The following MBD5 variants were observed in gnomAD, a reference collection of about 807,000 sequenced individuals.
MBD5 encodes methyl-CpG binding domain protein 5.
In MBD5, 13 loss-of-function variants were observed where a neutral mutation model predicts 117.3. The ratio of observed to expected loss-of-function variants is 0.11; its 90% CI spans 0.07 to 0.18. The LOEUF is 0.18. MBD5 is among the 10% of genes least tolerant of loss of function. The probability of loss-of-function intolerance (pLI) is 1.00; values close to 1 mark genes in which losing one functional copy is unlikely to be tolerated. For missense variants in MBD5, 1,879 were observed against 2,093.8 expected (o/e 0.90, Z 2.00); for synonymous variants, 727 against 766.4 (o/e 0.95, Z 0.85).
intron 1 of MBD5, among the ~76,000 whole-genome samples, chr2:148,152,271 G>A (rs1017880614): frequency 2.0e-5 from 3 of 152,044 alleles, no homozygotes; most frequent in South Asian, 2.1e-4. Flanking sequence ...TCTTAATCCT[G>A]AGTTCTAGTT....
At chr2:148,462,848 T>C (rs545577613) in intron 6 of MBD5, among the ~76,000 whole-genome samples, 164 bp downstream of exon 6, 2 of 152,294 alleles carry the variant, frequency 1.3e-5, no homozygotes, top group African/African-American at 4.8e-5. Context: ...GCTTAAAAAT[T>C]GTGGAAAATA....
At chr2:148,480,337 G>C (rs1250485009) in intron 8 of MBD5, among the ~76,000 whole-genome samples, 3 of 152,032 alleles carry the variant, frequency 2.0e-5, no homozygotes, top group Admixed American at 2.0e-4. Flanking sequence ...ATACTTGTCT[G>C]TTGCAAAATA....
chr2:148,040,931 TATC>T (rs1694339324), intron 1 of MBD5, among the ~76,000 whole-genome samples: 1 of 152,144 alleles, frequency 6.6e-6, no homozygotes, highest in South Asian at 2.1e-4. Context: ...TGGTAGATGT[TATC>T]TACCAGTGAT....
intron 4 of MBD5, among the ~76,000 whole-genome samples, chr2:148,367,422 G>A (rs1703733382): frequency 3.9e-5 from 6 of 152,144 alleles, no homozygotes; most frequent in Admixed American, 3.9e-4. Context: ...CATGGGCAAA[G>A]CCTTCATGAC....
At chr2:148,103,750 A>G (rs780224516) in intron 1 of MBD5, among the ~76,000 whole-genome samples, 1 of 152,144 alleles carries the variant, frequency 6.6e-6, no homozygotes, top group Non-Finnish European at 1.5e-5. Context: ...ATTTCATTAT[A>G]TTTTAGTCAA....
At chr2:148,208,828 A>G (rs1479899604) in intron 2 of MBD5, among the ~76,000 whole-genome samples, 1 of 152,076 alleles carries the variant, frequency 6.6e-6, no homozygotes, top group African/African-American at 2.4e-5. Flanking sequence ...CAAAGCAAAT[A>G]TTTCCATGAA....
Position 148,042,131 on chromosome 2 carries a change from T to A in MBD5, c.-925+20447T>A, listed in dbSNP as rs573658830. Among the ~76,000 whole-genome samples the A allele has an allele frequency of 1.8e-4, 28 of 152,328 alleles. No homozygotes were observed. The South Asian group carries it at 3.3e-3, about 18-fold the overall frequency. ...ACCAAACCTCTGCTGAGCACTTTAG[T>A]TGCAGATACCTCATTAGCATATAAT... On this transcript the variant is annotated intron_variant, in intron 1 of 13. Transcript: ENST00000642680.
rs1373694172 is a variant in MBD5 at position 148,074,432 on chromosome 2, TAGAA to T, written c.-925+52752_-925+52755del. Among the ~76,000 whole-genome samples the T allele has an allele frequency of 2.0e-5, 3 of 152,104 alleles. No homozygotes were observed. In the East Asian group the frequency reaches 5.8e-4, roughly 29 times the overall value. ...TTTTATAGGTTATACTATTTCCTTTTAGAAAGAGTTTTGGATATAACCGGAAACT... is the reference window on the plus strand; with the variant it reads ...TTTTATAGGTTATACTATTTCCTTTTAGAGTTTTGGATATAACCGGAAACT... On this transcript the variant is annotated intron_variant, in intron 1 of 13. Coordinates refer to ENST00000642680, the MANE Select transcript of MBD5 (RefSeq NM_001378120.1).
intron 4 of MBD5, among the ~76,000 whole-genome samples, chr2:148,388,146 A>G (rs960835133): frequency 6.6e-6 from 1 of 152,194 alleles, no homozygotes; most frequent in African/African-American, 2.4e-5. Context: ...AACAAAATAC[A>G]TTGTTTTGTG....
chr2:148,372,709 A>G (rs1248807406), intron 4 of MBD5, among the ~76,000 whole-genome samples: 2 of 152,104 alleles, frequency 1.3e-5, no homozygotes, highest in Non-Finnish European at 2.9e-5. Flanking sequence ...GAGATGAAAG[A>G]CAAGAGCTTG....
chr2:148,284,502 A>G (rs1303122829), intron 3 of MBD5, among the ~76,000 whole-genome samples: 4 of 152,176 alleles, frequency 2.6e-5, no homozygotes, highest in African/African-American at 7.2e-5. Context: ...TCTGGGTTTC[A>G]TCCTTGACTC....
At chr2:148,409,386 C>CA (rs776225951) in intron 4 of MBD5, among the ~76,000 whole-genome samples, 119 of 109,484 alleles carry the variant, frequency 1.1e-3, no homozygotes, top group Middle Eastern at 9.8e-3. Flanking sequence ...GGCCCTGTCT[C>CA]AAAAAAAAAA....
intron 1 of MBD5, among the ~76,000 whole-genome samples, chr2:148,116,561 G>C (rs1453702240): frequency 2.0e-5 from 3 of 152,110 alleles, no homozygotes; most frequent in Non-Finnish European, 2.9e-5. Flanking sequence ...CATGTACCAG[G>C]GTGGACGTGT....
intron 1 of MBD5, among the ~76,000 whole-genome samples, chr2:148,102,903 T>C (rs997690705): frequency 6.6e-6 from 1 of 152,156 alleles, no homozygotes; most frequent in African/African-American, 2.4e-5. Context: ...TGGGGAATTT[T>C]TTTTTAGCTC....
chr2:148,240,817 A>T (rs1427419768), intron 3 of MBD5, among the ~76,000 whole-genome samples: 4 of 152,108 alleles, frequency 2.6e-5, no homozygotes, highest in Non-Finnish European at 5.9e-5. Flanking sequence ...TGAATTTTTC[A>T]TTTTGATACT....
chr2:148,027,684 A>G (rs1281779847), intron 1 of MBD5: 1 of 152,140 alleles, frequency 6.6e-6, no homozygotes, highest in East Asian at 1.9e-4. Flanking sequence ...CCAAAATTCT[A>G]AATACTTCTG....
intron 1 of MBD5, among the ~76,000 whole-genome samples, chr2:148,104,378 G>C (rs186899332): frequency 1.2e-3 from 182 of 152,236 alleles, no homozygotes; most frequent in Non-Finnish European, 2.1e-3. Flanking sequence ...GATGGTGTTT[G>C]CAGAGGAAAA....
In MBD5 at chr2:148,227,602, A is replaced by T. The variant is rs895459008; in HGVS notation, c.-830-5643A>T. On this transcript the variant is annotated intron_variant, in intron 2 of 13. Transcript: ENST00000642680. ...GGATTGACTTGGCAATGTGGGCTCT[A>T]TTTTGGTTCCATATGAACTTTAAAG... 2.0e-5 allele frequency among the ~76,000 whole-genome samples: 3 copies of T among 151,974 alleles called. No homozygotes were observed. In the South Asian group the frequency reaches 6.2e-4, roughly 31 times the overall value.
rs115088302 is a variant in MBD5 at position 148,156,472 on chromosome 2, T to C, written c.-924-22228T>C. Among the ~76,000 whole-genome samples, 577 of 152,358 alleles carry C rather than the reference T, an allele frequency of 3.8e-3. 4 individuals are homozygous for C. The highest frequency in any genetic ancestry group is 0.013 in the African/African-American group (543 of 41,584). On this transcript the variant is annotated intron_variant, in intron 1 of 13. Coordinates refer to ENST00000642680, the MANE Select transcript of MBD5 (RefSeq NM_001378120.1). The stretch of plus-strand genomic sequence containing the variant: ...TTTGTCCTTCAAAATTAATCTCAGA[T>C]ATCATCTTCTGTAAGAATCTTTTCC...
Sources: gnomAD v4.1 joint callset for allele counts (sites outside exome capture counted in the v4.1 genomes callset) on GRCh38, gnomAD v4.1.1 for gene constraint, MANE v1.5 for transcripts, NCBI Gene and HGNC (gene_info 2026-07-23, HGNC 2026-07-21) for gene names.